SRPK3: variants seen among roughly 807,000 people sequenced by gnomAD.
SRPK3 encodes SRSF protein kinase 3, also known as SFRS protein kinase 3.
SRPK3 carries 26 observed loss-of-function variants against 45.3 expected under a neutral mutation model. The ratio of observed to expected loss-of-function variants is 0.57; its 90% CI spans 0.42 to 0.80. The LOEUF (loss-of-function observed/expected upper bound fraction) is 0.80, where lower values mean the gene tolerates loss of function less well. Among genes scored for constraint, SRPK3 ranks in the 30% least tolerant of loss-of-function variants. The pLI is 0.00. For synonymous variants in SRPK3, 254 were observed against 226.6 expected, an observed-to-expected ratio of 1.12 and a Z score of -1.09; for missense variants, 536 against 514.5, an observed-to-expected ratio of 1.04 and a Z score of -0.40.
chrX:153,783,244 A>T lies in SRPK3; in HGVS notation c.767A>T (p.Glu256Val), dbSNP rs782013944. The change falls in exon 8 of 15, where the codon GAG becomes GTG. Residue 256 changes from glutamate (E) to valine (V), a missense_variant. Physicochemically the swap from Glu to Val is moderately radical, Grantham distance 121 (BLOSUM62 -2). Coordinates refer to ENST00000370101, the MANE Select transcript of SRPK3 (RefSeq NM_014370.4). ...CTCCCAGTCAGCACTGCCCCCCAGG[A>T]GGTCTTGGTAAGTTGGGGGGCCCCT... Reference protein sequence around the residue: ...SRSIVSTAPQEVLQTGKLSKN... With the variant: ...SRSIVSTAPQVVLQTGKLSKN... 2 of 1,156,027 alleles carry T rather than the reference A, an allele frequency of 1.7e-6. No homozygotes were observed. The highest frequency in any genetic ancestry group is 2.3e-5 in the Admixed American group (1 of 43,230).
intron 8 of SRPK3, 108 bp downstream of exon 8, chrX:153,783,359 G>C: frequency 7.2e-6 from 4 of 553,808 alleles, no homozygotes; most frequent in Non-Finnish European, 1.2e-5. Context: ...GCACTCCCAC[G>C]GTGGTAATCC....
intron 8 of SRPK3, among the ~76,000 whole-genome samples, chrX:153,783,551 T>C (rs2092065206): frequency 8.9e-6 from 1 of 112,617 alleles, no homozygotes; most frequent in Admixed American, 9.3e-5. Flanking sequence ...CTAATGGAGC[T>C]GTGGGGAGTG....
chrX:153,782,277 T>A, intron 5 of SRPK3, 69 bp downstream of exon 5: 1 of 968,681 alleles, frequency 1.0e-6, no homozygotes, highest in Non-Finnish European at 1.5e-6. Flanking sequence ...CCCTCGCTGC[T>A]AGAGCCTGTC....
Position 153,782,824 on chromosome X carries a change from C to G in SRPK3, c.528C>G (p.Ile176Met). The change falls in exon 6 of 15, where the codon ATC (isoleucine) becomes ATG (methionine). Residue 176 changes from isoleucine (I) to methionine (M), a missense_variant. Coordinates refer to ENST00000370101, the MANE Select transcript of SRPK3 (RefSeq NM_014370.4). ...GCCACCAGCTCCTCAAATGGATCATCAAGTCCAACTACCAGGGCCTGCCCG... is the reference window on the plus strand; with the variant it reads ...GCCACCAGCTCCTCAAATGGATCATGAAGTCCAACTACCAGGGCCTGCCCG... ...VLGHQLLKWI[I>M]KSNYQGLPVP... 8.3e-7 allele frequency: 1 copy of G among 1,211,180 alleles called. No homozygotes were observed. Among genetic ancestry groups the G allele is most frequent in the Non-Finnish European group, 1.1e-6 (1 of 895,391 alleles).
rs150987324 is a variant in SRPK3 at position 153,785,421 on chromosome X, C to T, written c.1605C>T (p.Ala535=). Reference sequence around the variant, plus strand: ...AGTACGAGTGGCCCCTAGAGCAGGCCACACAGTTCAGCGCCTTTCTGCTGC... The same window carrying T: ...AGTACGAGTGGCCCCTAGAGCAGGCTACACAGTTCAGCGCCTTTCTGCTGC... ...MEKYEWPLEQ[A]TQFSAFLLPM... is the part of the protein sequence containing the mutation. The change falls in exon 15 of 15, where the codon GCC becomes GCT. Residue 535 remains alanine, a synonymous_variant. Transcript: ENST00000370101. The T allele has an allele frequency of 1.8e-4, 213 of 1,210,312 alleles. No individual in the cohort carries two copies. Among genetic ancestry groups the T allele is most frequent in the Non-Finnish European group, 2.2e-4 (200 of 895,298 alleles).
At position 153,785,677 on chromosome X, in the gene SRPK3, G is replaced by A; in HGVS notation, c.*157G>A. The A allele has an allele frequency of 1.2e-6, 1 of 800,118 alleles. No individual in the cohort carries two copies. The highest frequency in any genetic ancestry group is 1.8e-6 in the Non-Finnish European group (1 of 559,638). 65.9% of individuals were successfully genotyped at this position (800,118 alleles called of 1,213,427 possible). A position where few individuals can be genotyped will look rare whatever the true frequency, so the allele number is the denominator to read the frequency against. ...AGCGTGTTCTGCCTGAGACCCCCGT[G>A]AGGGCTCTCGGAGAAAGTGTGTGTA... On this transcript the variant is annotated 3_prime_UTR_variant, in exon 15 of 15. Transcript: ENST00000370101.
intron 4 of SRPK3, 80 bp from the exon 5 acceptor site, chrX:153,782,041 C>G (rs782609554): frequency 1.0e-6 from 1 of 983,324 alleles, no homozygotes; most frequent in East Asian, 3.1e-5. Context: ...CCAGCTGGAG[C>G]AGGAGAAGGG....
rs1209268919 is a variant in SRPK3 at position 153,782,791 on chromosome X, G to A, written c.495G>A (p.Glu165=). 13 of 1,209,394 alleles carry A rather than the reference G, an allele frequency of 1.1e-5. No individual in the cohort carries two copies. The highest frequency in any genetic ancestry group is 1.5e-5 in the Non-Finnish European group (13 of 894,750). The change falls in exon 6 of 15, where the codon GAG becomes GAA. Residue 165 remains glutamate (E), a synonymous_variant. Coordinates refer to ENST00000370101, the MANE Select transcript of SRPK3 (RefSeq NM_014370.4). ...GCCCAGATGTGTGCATGGTGCTGGA[G>A]GTGCTGGGCCACCAGCTCCTCAAAT... is the stretch of plus-strand genomic sequence containing the variant. ...VNGVHVCMVL[E]VLGHQLLKWI... is the part of the protein sequence containing the mutation.
At chrX:153,781,946 C>A in intron 4 of SRPK3, 116 bp downstream of exon 4, 1 of 963,346 alleles carries the variant, frequency 1.0e-6, no homozygotes, top group Non-Finnish European at 1.5e-6. Flanking sequence ...TGAGGGGCAG[C>A]CTCCAGCTGG....
At position 153,781,303 on chromosome X, in the gene SRPK3, C is replaced by A. The variant is rs56309715; in HGVS notation, c.147C>A (p.Gly49=). The change falls in exon 2 of 15, where the codon GGC becomes GGA. Residue 49 remains glycine (G), a synonymous_variant. Coordinates refer to ENST00000370101, the MANE Select transcript of SRPK3 (RefSeq NM_014370.4). ...CTCAGATGCTGCAGGGCCTTCTGGG[C>A]TCCGACGACGAGGAACAGGAAGACC... The part of the protein sequence containing the change: ...PVPQMLQGLL[G]SDDEEQEDPK... 8.3e-7 allele frequency: 1 copy of A among 1,205,518 alleles called. No individual in the cohort carries two copies. Among genetic ancestry groups the A allele is most frequent in the Non-Finnish European group, 1.1e-6 (1 of 892,836 alleles).
chrX:153,783,242 G>A lies in SRPK3; in HGVS notation c.765G>A (p.Gln255=). Residue 255 remains glutamine (Q), a synonymous_variant, in exon 8 of 15, where the codon CAG becomes CAA. Coordinates refer to ENST00000370101, the MANE Select transcript of SRPK3 (RefSeq NM_014370.4). ...PSRSIVSTAP[Q]EVLQTGKLSK... is the part of the protein sequence containing the mutation. ...CACTCCCAGTCAGCACTGCCCCCCAGGAGGTCTTGGTAAGTTGGGGGGCCC... is the reference window on the plus strand; with the variant it reads ...CACTCCCAGTCAGCACTGCCCCCCAAGAGGTCTTGGTAAGTTGGGGGGCCC... 8.5e-7 allele frequency: 1 copy of A among 1,181,732 alleles called. No individual in the cohort carries two copies.
In SRPK3 at chrX:153,785,663, C is replaced by T; in HGVS notation, c.*143C>T. On this transcript the variant is annotated 3_prime_UTR_variant, in exon 15 of 15. Coordinates refer to ENST00000370101, the MANE Select transcript of SRPK3 (RefSeq NM_014370.4). ...GGCCCGGCTCTCAGAGCGTGTTCTG[C>T]CTGAGACCCCCGTGAGGGCTCTCGG... 1 of 842,895 alleles carries T rather than the reference C, an allele frequency of 1.2e-6. No homozygotes were observed. Among genetic ancestry groups the T allele is most frequent in the Non-Finnish European group, 1.7e-6 (1 of 599,126 alleles). The allele number at this position is 842,895 out of a possible 1,213,427, so 69.5% of individuals were successfully genotyped here. A position where few individuals can be genotyped will look rare whatever the true frequency, so the allele number is the denominator to read the frequency against.
At chrX:153,783,158 G>A in intron 7 of SRPK3, 40 bp downstream of exon 7, 1 of 1,179,357 alleles carries the variant, frequency 8.5e-7, no homozygotes, top group Non-Finnish European at 1.1e-6. Flanking sequence ...GGGCCTCTGG[G>A]CCTGAACCCC....
rs782645394 is a variant in SRPK3, at chrX:153,785,541, C to T, written c.*21C>T. The T allele has an allele frequency of 1.7e-6, 2 of 1,194,095 alleles. No homozygotes were observed. The highest frequency in any genetic ancestry group is 2.3e-6 in the Non-Finnish European group (2 of 883,972). ...CCTAGGCCCGGCTGTGGCTCCACCTCCAGCTCTCCGTGCCTTAAGGGAAAA... is the reference window on the plus strand; with the variant it reads ...CCTAGGCCCGGCTGTGGCTCCACCTTCAGCTCTCCGTGCCTTAAGGGAAAA... On this transcript the variant is annotated 3_prime_UTR_variant, in exon 15 of 15. Transcript: ENST00000370101.
Position 153,785,066 on chromosome X carries a change from T to C in SRPK3, c.1427-15T>C, listed in dbSNP as rs2092078237. 1 of 1,211,045 alleles carries C rather than the reference T, an allele frequency of 8.3e-7. No individual in the cohort carries two copies. Among genetic ancestry groups the C allele is most frequent in the African/African-American group, 1.7e-5 (1 of 58,012 alleles). On this transcript the variant is annotated splice_polypyrimidine_tract_variant and intron_variant, in intron 13 of 14. Transcript: ENST00000370101. ...CCCGGCCTGCCTGCCCCCAACCTCCTCTTTCTGCCCACAGACCACATCGCT... is the reference window on the plus strand; with the variant it reads ...CCCGGCCTGCCTGCCCCCAACCTCCCCTTTCTGCCCACAGACCACATCGCT...
rs190774414 is a variant in SRPK3, at chrX:153,782,870, G to A, written c.574G>A (p.Val192Met). The change falls in exon 6 of 15, where the codon GTG becomes ATG. Residue 192 changes from valine to methionine, a missense_variant. Physicochemically the swap from Val to Met is conservative, Grantham distance 21 (BLOSUM62 1). Transcript: ENST00000370101. ...GCCCGTGCCCTGCGTGAAGAGCATC[G>A]TGAGGCAGGTGAGTGCCACCCACTG... ...GLPVPCVKSI[V>M]RQVLHGLDYL... is the part of the protein sequence containing the mutation. The A allele has an allele frequency of 4.6e-5, 55 of 1,207,175 alleles. No homozygotes were observed. The East Asian group carries it at 1.0e-3, about 23-fold the overall frequency.
Position 153,785,161 on chromosome X carries a change from T to G in SRPK3, c.1507T>G (p.Phe503Val). ...CTCAGGCCGCTATTCCCGGGAGTTC[T>G]TCAACCGGAGAGGTGAGGGCCCGGG... ...ALSGRYSREF[F>V]NRRGELRHIH... Residue 503 changes from phenylalanine to valine, a missense_variant, in exon 14 of 15, where the codon TTC becomes GTC. Transcript: ENST00000370101. 8.3e-7 allele frequency: 1 copy of G among 1,209,452 alleles called. No homozygotes were observed. Among genetic ancestry groups the G allele is most frequent in the Non-Finnish European group, 1.1e-6 (1 of 894,723 alleles).
chrX:153,781,055 G>A lies in SRPK3; in HGVS notation c.-32G>A, dbSNP rs1348123370. On this transcript the variant is annotated 5_prime_UTR_variant, in exon 1 of 15. Coordinates refer to ENST00000370101, the MANE Select transcript of SRPK3 (RefSeq NM_014370.4). ...CCGGGCCCCACAGGAGCAGCCGCCC[G>A]GGGCACCGGAGCTGCGGGCTGCGTG... The A allele has an allele frequency of 1.1e-5, 11 of 1,035,383 alleles. No individual in the cohort carries two copies. Among genetic ancestry groups the A allele is most frequent in the South Asian group, 5.6e-5 (2 of 35,776 alleles). The allele number at this position is 1,035,383 out of a possible 1,213,427, so 85.3% of individuals were successfully genotyped here.
chrX:153,782,121 G>A lies in SRPK3; in HGVS notation c.388G>A (p.Val130Ile), dbSNP rs948148643. Reference protein sequence around the residue: ...AVDEIKLLKCVRDSDPSDPKR... With the variant: ...AVDEIKLLKCIRDSDPSDPKR... ...TGTGGCCCCTTGGCTTTTGCTCCAG[G>A]TCCGGGACAGCGACCCCAGTGACCC... The change falls in exon 5 of 15, where the codon GTC (valine) becomes ATC (isoleucine). Residue 130 changes from valine (V) to isoleucine (I), a missense_variant and splice_region_variant. Coordinates refer to ENST00000370101, the MANE Select transcript of SRPK3 (RefSeq NM_014370.4). 2.5e-6 allele frequency: 3 copies of A among 1,210,785 alleles called. No homozygotes were observed. The highest frequency in any genetic ancestry group is 3.4e-6 in the Non-Finnish European group (3 of 894,762).
Sources: gnomAD v4.1 joint callset for allele counts (sites outside exome capture counted in the v4.1 genomes callset) on GRCh38, gnomAD v4.1.1 for gene constraint, MANE v1.5 for transcripts, NCBI Gene and HGNC (gene_info 2026-07-23, HGNC 2026-07-21) for gene names.